The following ATP2C1 variants were observed in gnomAD, a reference collection of about 807,000 sequenced individuals.
The protein encoded by ATP2C1 is ATPase secretory pathway Ca2+ transporting 1.
Under a neutral mutation model 120.5 loss-of-function variants are expected in ATP2C1, and 31 were observed. The observed-to-expected ratio is 0.26, with a 90% CI of 0.19 to 0.35. The LOEUF (loss-of-function observed/expected upper bound fraction) is 0.35. Among genes scored for constraint, ATP2C1 ranks in the 10% least tolerant of loss-of-function variants. The pLI is 1.00. For missense variants in ATP2C1, 731 were observed against 1,107.5 expected (o/e 0.66, Z 4.83); for synonymous variants, 351 against 358.7 (o/e 0.98, Z 0.24).
intron 2 of ATP2C1, among the ~76,000 whole-genome samples, chr3:130,919,451 G>A (rs2058850570): frequency 6.6e-6 from 1 of 151,898 alleles, no homozygotes; most frequent in Non-Finnish European, 1.5e-5. Context: ...ACTCCTTACT[G>A]CAGGTGATCC....
chr3:130,925,184 C>A (rs929715575), intron 2 of ATP2C1, among the ~76,000 whole-genome samples: 1 of 152,046 alleles, frequency 6.6e-6, no homozygotes, highest in Non-Finnish European at 1.5e-5. Flanking sequence ...TTTTCTGGTT[C>A]CTTCTCATTT....
intron 26 of ATP2C1, chr3:131,013,862 G>A: frequency 2.0e-6 from 1 of 496,512 alleles, no homozygotes; most frequent in Non-Finnish European, 3.5e-6. Context: ...AACATATTTA[G>A]AAATACAGAA....
chr3:130,947,962 C>T (rs2060218728), intron 8 of ATP2C1, among the ~76,000 whole-genome samples: 1 of 152,040 alleles, frequency 6.6e-6, no homozygotes, highest in African/African-American at 2.4e-5. Flanking sequence ...ATCGTACAGC[C>T]CACACCTCCC....
At chr3:130,993,121 A>AT in intron 21 of ATP2C1, 120 bp downstream of exon 21, 11 of 802,502 alleles carry the variant, frequency 1.4e-5, no homozygotes, top group Non-Finnish European at 2.0e-5. Flanking sequence ...GAAGCAAAAC[A>AT]GTTTTTTTTT....
At chr3:130,899,049 T>A (rs908981782) in intron 2 of ATP2C1, among the ~76,000 whole-genome samples, 1 of 152,166 alleles carries the variant, frequency 6.6e-6, no homozygotes, top group African/African-American at 2.4e-5. Flanking sequence ...TAGACAAATG[T>A]TGGTAAAAGG....
rs556380663 is a variant in ATP2C1 at position 131,010,340 on chromosome 3, G to A, written c.2630-5812G>A. 4.6e-5 allele frequency among the ~76,000 whole-genome samples: 7 copies of A among 151,888 alleles called. No individual in the cohort carries two copies. In the South Asian group the frequency reaches 1.3e-3, roughly 27 times the overall value. On this transcript the variant is annotated intron_variant, in intron 26 of 26. Transcript: ENST00000328560. Reference sequence around the variant, plus strand: ...CAAGTAGCTGGGACTACAGGTGCCCGCCACCACACCCGGCTGATATTGTTT... The same window carrying A: ...CAAGTAGCTGGGACTACAGGTGCCCACCACCACACCCGGCTGATATTGTTT...
intron 19 of ATP2C1, among the ~76,000 whole-genome samples, chr3:130,980,134 C>T (rs978185310): frequency 2.0e-5 from 3 of 152,174 alleles, no homozygotes; most frequent in African/African-American, 7.2e-5. Flanking sequence ...TTTTGTCTGG[C>T]TTCGGACACT....
Position 130,998,370 on chromosome 3 carries a change from C to T in ATP2C1, c.2468C>T (p.Ala823Val). 2.5e-6 allele frequency: 4 copies of T among 1,606,384 alleles called. No individual in the cohort carries two copies. The highest frequency in any genetic ancestry group is 3.4e-6 in the Non-Finnish European group (4 of 1,172,986). Residue 823 changes from alanine (A) to valine (V), a missense_variant, in exon 26 of 28, where the codon GCA becomes GTA. By Grantham distance (64) the Ala-to-Val change is moderately conservative. Coordinates refer to ENST00000510168, the MANE Select transcript of ATP2C1 (RefSeq NM_001378687.1). ...TCFVFFDMFN[A>V]LSSRSQTKSV... ...TTTGTGTTTTTTGACATGTTCAATG[C>T]ACTAAGTTCCAGATCCCAGGTATGT...
At chr3:130,978,967 A>G (rs1345413925) in intron 18 of ATP2C1, among the ~76,000 whole-genome samples, 1 of 152,176 alleles carries the variant, frequency 6.6e-6, no homozygotes, top group Non-Finnish European at 1.5e-5. Context: ...GCTGCATGTG[A>G]TTACTATGTG....
chr3:131,003,398 G>T (rs565629675), downstream of ATP2C1, among the ~76,000 whole-genome samples: 62 of 152,228 alleles, frequency 4.1e-4, no homozygotes, highest in African/African-American at 1.4e-3. Flanking sequence ...CTAATCCTAG[G>T]ACTTGCTAGA....
chr3:130,854,111 T>C (rs988356153), intron 1 of ATP2C1: 1 of 152,216 alleles, frequency 6.6e-6, no homozygotes, highest in Non-Finnish European at 1.5e-5. Flanking sequence ...GTGTTATTCC[T>C]GTGATACAGC....
intron 17 of ATP2C1, among the ~76,000 whole-genome samples, chr3:130,969,933 T>G (rs757741895): frequency 1.3e-5 from 2 of 152,238 alleles, no homozygotes; most frequent in Non-Finnish European, 2.9e-5. Flanking sequence ...TTCCAGTTAG[T>G]GTAATAAGAG....
At chr3:130,919,634 G>C (rs140911297) in intron 2 of ATP2C1, among the ~76,000 whole-genome samples, 2 of 152,330 alleles carry the variant, frequency 1.3e-5, no homozygotes, top group African/African-American at 4.8e-5. Context: ...ATCACATTGT[G>C]AATAGTGTTG....
At position 131,002,581 on chromosome 3, in the gene ATP2C1, A is replaced by C; in HGVS notation, c.*1231A>C. The C allele has an allele frequency of 4.1e-6, 4 of 985,452 alleles. No homozygotes were observed. The highest frequency in any genetic ancestry group is 4.8e-6 in the Non-Finnish European group (4 of 829,922). 61.0% of individuals were successfully genotyped at this position (985,452 alleles called of 1,614,324 possible). A position where few individuals can be genotyped will look rare whatever the true frequency, so the allele number is the denominator to read the frequency against. ...TTTTTATGAAAGCTTGATGAGGTATAGGTCATTTGTTTTGAGTATGTGGGC... is the reference window on the plus strand; with the variant it reads ...TTTTTATGAAAGCTTGATGAGGTATCGGTCATTTGTTTTGAGTATGTGGGC... On this transcript the variant is annotated 3_prime_UTR_variant, in exon 28 of 28. Transcript: ENST00000510168.
intron 1 of ATP2C1, among the ~76,000 whole-genome samples, chr3:130,883,420 A>G (rs1381176355): frequency 2.0e-5 from 3 of 150,520 alleles, no homozygotes; most frequent in African/African-American, 7.3e-5. Context: ...TAATTTTTTT[A>G]AAGATGTATC....
At chr3:130,977,893 TG>T (rs2061591947) in intron 18 of ATP2C1, among the ~76,000 whole-genome samples, 1 of 152,202 alleles carries the variant, frequency 6.6e-6, no homozygotes, top group Non-Finnish European at 1.5e-5. Context: ...CTTAAAATAC[TG>T]TGGTTCTTAA....
In ATP2C1 at chr3:130,932,003, C is replaced by A. The variant is rs745865842; in HGVS notation, c.118-19C>A. On this transcript the variant is annotated intron_variant, in intron 3 of 27. Transcript: ENST00000510168. ...CTGTGCTAACATTTTCAATAACTTT[C>A]ATGTATAAACTCTAATAGGCTGATC... The A allele has an allele frequency of 4.8e-6, 7 of 1,460,172 alleles. No individual in the cohort carries two copies. The East Asian group carries it at 1.4e-4, about 28-fold the overall frequency. The allele number at this position is 1,460,172 out of a possible 1,614,324, so 90.5% of individuals were successfully genotyped here.
chr3:130,955,712 T>C, intron 10 of ATP2C1: 1 of 216,948 alleles, frequency 4.6e-6, no homozygotes. Context: ...TGAGGGAGGA[T>C]TAAAAGACCT....
intron 19 of ATP2C1, among the ~76,000 whole-genome samples, chr3:130,980,129 T>G (rs1161022730): frequency 1.3e-5 from 2 of 152,226 alleles, no homozygotes; most frequent in Non-Finnish European, 2.9e-5. Flanking sequence ...CACCATTTTG[T>G]CTGGCTTCGG....
Sources: allele counts gnomAD v4.1 joint callset (sites outside exome capture counted in the v4.1 genomes callset), GRCh38; gene constraint gnomAD v4.1.1; transcripts MANE v1.5; gene names NCBI Gene and HGNC (gene_info 2026-07-23, HGNC 2026-07-21).